Variants in ATP2B4 observed in about 807,000 individuals in gnomAD.
The protein encoded by ATP2B4 is ATPase plasma membrane Ca2+ transporting 4, also known as plasma membrane calcium-transporting ATPase 4.
A neutral mutation model predicts 110.3 loss-of-function variants in ATP2B4; 39 were observed. The ratio of observed to expected loss-of-function variants is 0.35; its 90% CI spans 0.27 to 0.46. The LOEUF is 0.46. ATP2B4 is among the 20% of genes least tolerant of loss of function. The pLI, the probability that ATP2B4 is intolerant of heterozygous loss-of-function variation, is 1.00. For synonymous variants in ATP2B4, 538 were observed against 571.7 expected (o/e 0.94, Z 0.84); for missense variants, 1,135 against 1,530.9 (o/e 0.74, Z 4.32).
intron 1 of ATP2B4, chr1:203,657,000 A>G: frequency 1.4e-6 from 1 of 735,948 alleles, no homozygotes; most frequent in Admixed American, 1.9e-5. Context: ...TGCAGCCATC[A>G]TTTTCAGGAC....
intron 2 of ATP2B4, 98 bp from the exon 3 acceptor site, chr1:203,698,059 T>G: frequency 1.0e-6 from 1 of 991,104 alleles, no homozygotes; most frequent in Non-Finnish European, 1.6e-6. Context: ...CAGGCTAGAG[T>G]GTAATGACAT....
At chr1:203,719,975 G>A (rs757027631) in intron 15 of ATP2B4, among the ~76,000 whole-genome samples, 4 of 152,076 alleles carry the variant, frequency 2.6e-5, no homozygotes, top group Non-Finnish European at 2.9e-5. Flanking sequence ...AGGAGGCCAA[G>A]GTGGGAGGAT....
chr1:203,722,538 A>T lies in ATP2B4; in HGVS notation c.2873A>T (p.Gln958Leu), dbSNP rs958745824. The change falls in exon 18 of 21, where the codon CAG (glutamine) becomes CTG (leucine). Residue 958 changes from glutamine to leucine, a missense_variant. Around this residue, in one of 9 missense-constraint regions of ATP2B4, gnomAD observed 155 missense variants for 186.2 expected, o/e 0.83. Coordinates refer to ENST00000357681, the MANE Select transcript of ATP2B4 (RefSeq NM_001684.5). ...RKAPLHSPPS[Q>L]HYTIVFNTFV... The stretch of plus-strand genomic sequence containing the variant: ...GCACCTCTACATTCACCACCCAGCC[A>T]GCACTATACCATTGTTTTTAACACC... 2 of 1,614,218 alleles carry T rather than the reference A, an allele frequency of 1.2e-6. No homozygotes were observed. Among genetic ancestry groups the T allele is most frequent in the Middle Eastern group, 3.3e-4 (2 of 6,062 alleles).
At chr1:203,634,883 C>T (rs1359315280) in intron 1 of ATP2B4, among the ~76,000 whole-genome samples, 3 of 152,032 alleles carry the variant, frequency 2.0e-5, no homozygotes, top group African/African-American at 4.8e-5. Flanking sequence ...AGATTGGGCT[C>T]GAAATCCTGG....
Position 203,741,872 on chromosome 1 carries a change from T to C in ATP2B4, c.*2018T>C, listed in dbSNP as rs1271480497. 6.6e-6 allele frequency: 1 copy of C among 152,648 alleles called. No homozygotes were observed. Among genetic ancestry groups the C allele is most frequent in the Non-Finnish European group, 1.5e-5 (1 of 68,036 alleles). 9.5% of individuals were successfully genotyped at this position (152,648 alleles called of 1,614,324 possible). ...GTTTCACATATATATTCATCAACTATTTTAGAAGATTTAATTCTATCAAAT... is the reference window on the plus strand; with the variant it reads ...GTTTCACATATATATTCATCAACTACTTTAGAAGATTTAATTCTATCAAAT... On this transcript the variant is annotated 3_prime_UTR_variant, in exon 21 of 21. Coordinates refer to ENST00000357681, the MANE Select transcript of ATP2B4 (RefSeq NM_001684.5).
At chr1:203,738,505 T>G (rs1348518700) in intron 20 of ATP2B4, among the ~76,000 whole-genome samples, 1 of 152,190 alleles carries the variant, frequency 6.6e-6, no homozygotes, top group Non-Finnish European at 1.5e-5. Context: ...ATGCATCTCC[T>G]TTTGCCCAGT....
rs1371100126 is a variant in ATP2B4 at position 203,741,977 on chromosome 1, G to C, written c.*2123G>C. The C allele has an allele frequency of 1.3e-5, 2 of 152,606 alleles. No individual in the cohort carries two copies. The highest frequency in any genetic ancestry group is 4.8e-5 in the African/African-American group (2 of 41,428). The allele number at this position is 152,606 out of a possible 1,614,324, so 9.5% of individuals were successfully genotyped here. On this transcript the variant is annotated 3_prime_UTR_variant, in exon 21 of 21. Transcript: ENST00000357681. ...TATTTTACCATTCCTGTTCACAAAA[G>C]GTTCTCATGGTGCCTGACAGGTTAC...
chr1:203,729,844 G>T (rs1666647229), intron 20 of ATP2B4: 1 of 1,238,116 alleles, frequency 8.1e-7, no homozygotes. Context: ...AGAGGGCTTG[G>T]TCCCCTCTGC....
intron 15 of ATP2B4, among the ~76,000 whole-genome samples, chr1:203,719,745 A>G (rs960616071): frequency 1.2e-4 from 18 of 151,574 alleles, no homozygotes; most frequent in Non-Finnish European, 2.5e-4. Flanking sequence ...TAAATAAATA[A>G]ATAAATAAAT....
chr1:203,718,401 C>A (rs1666221860), intron 15 of ATP2B4, among the ~76,000 whole-genome samples: 1 of 152,126 alleles, frequency 6.6e-6, no homozygotes, highest in African/African-American at 2.4e-5. Context: ...CAGGTACAAG[C>A]AGTTCTCCTG....
chr1:203,700,492 G>A (rs193173565), intron 5 of ATP2B4, among the ~76,000 whole-genome samples, 161 bp downstream of exon 5: 14 of 152,270 alleles, frequency 9.2e-5, no homozygotes, highest in East Asian at 7.7e-4. Flanking sequence ...ATATCAGGCA[G>A]CCTAAATGAA....
At chr1:203,716,598 T>C (rs1238811764) in intron 15 of ATP2B4, among the ~76,000 whole-genome samples, 1 of 145,264 alleles carries the variant, frequency 6.9e-6, no homozygotes, top group Non-Finnish European at 1.5e-5. Context: ...CCTGCAAGCA[T>C]TCCTTCCTAA....
chr1:203,738,267 C>T (rs934186924), intron 20 of ATP2B4, among the ~76,000 whole-genome samples: 1 of 152,028 alleles, frequency 6.6e-6, no homozygotes, highest in African/African-American at 2.4e-5. Flanking sequence ...TCCAACTTCT[C>T]GGAGCTCCAA....
rs1663206923 is a variant in ATP2B4, at chr1:203,629,760, A to C, written c.-465+2541A>C. 6.6e-6 allele frequency among the ~76,000 whole-genome samples: 1 copy of C among 152,178 alleles called. No individual in the cohort carries two copies. The highest frequency in any genetic ancestry group is 1.5e-5 in the Non-Finnish European group (1 of 68,038). ...TGCCTCCCAGGTTGTGCCGAGCCTC[A>C]GACCCTTCTCCCTTCCATTTACCAC... On this transcript the variant is annotated intron_variant, in intron 1 of 20. Transcript: ENST00000357681. This position sits in a 1 kb window ranked among gnomAD's most constrained non-coding sequence, Gnocchi z 4.6.
rs534972617 is a variant in ATP2B4 at position 203,682,876 on chromosome 1, T to C, written c.-330T>C. The C allele has an allele frequency of 5.4e-5, 11 of 203,800 alleles. No homozygotes were observed. The highest frequency in any genetic ancestry group is 7.9e-5 in the Non-Finnish European group (8 of 101,314). 12.6% of individuals were successfully genotyped at this position (203,800 alleles called of 1,614,324 possible). A position where few individuals can be genotyped will look rare whatever the true frequency, so the allele number is the denominator to read the frequency against. ...CTGTTTACACCTTCATCTGGGCAAG[T>C]TGGTCTAAGCTAGGAACCTACCTAC... On this transcript the variant is annotated 5_prime_UTR_variant, in exon 2 of 21. Transcript: ENST00000357681.
chr1:203,670,505 G>A (rs1427561077), intron 1 of ATP2B4, among the ~76,000 whole-genome samples: 1 of 152,232 alleles, frequency 6.6e-6, no homozygotes, highest in African/African-American at 2.4e-5. Flanking sequence ...CCTAGGAAGA[G>A]AAGCACAGCT....
rs921049159 is a variant in ATP2B4, at chr1:203,741,805, A to C, written c.*1951A>C. On this transcript the variant is annotated 3_prime_UTR_variant, in exon 21 of 21. Transcript: ENST00000357681. ...CTTCAATAATTCTTTTTTGTGTCTT[A>C]AATACTCATAGGGGAAAAAAACAGC... 5 of 152,598 alleles carry C rather than the reference A, an allele frequency of 3.3e-5. No individual in the cohort carries two copies. The highest frequency in any genetic ancestry group is 7.2e-5 in the African/African-American group (3 of 41,424). The allele number at this position is 152,598 out of a possible 1,614,324, so 9.5% of individuals were successfully genotyped here.
chr1:203,725,997 G>A (rs754280246), intron 19 of ATP2B4, among the ~76,000 whole-genome samples: 1 of 136,782 alleles, frequency 7.3e-6, no homozygotes, highest in Admixed American at 8.1e-5. Context: ...AGGCTGAGTC[G>A]AGCAGATCAC....
chr1:203,668,054 C>T (rs1571700901), intron 1 of ATP2B4, among the ~76,000 whole-genome samples: 1 of 152,148 alleles, frequency 6.6e-6, no homozygotes, highest in African/African-American at 2.4e-5. Flanking sequence ...TGATGCTACT[C>T]CTCCTCTGCG....
Sources: gnomAD v4.1 joint callset for allele counts (sites outside exome capture counted in the v4.1 genomes callset) on GRCh38, gnomAD v4.1.1 for gene constraint, gnomAD v4.1.1 regional missense constraint, Gnocchi (gnomAD v3.1) non-coding constraint, MANE v1.5 for transcripts, NCBI Gene and HGNC (gene_info 2026-07-23, HGNC 2026-07-21) for gene names.